Variants in ARHGAP24 observed in about 807,000 individuals in gnomAD.
ARHGAP24 encodes Rho GTPase activating protein 24, also known as rho GTPase-activating protein 24.
In ARHGAP24, 50 loss-of-function variants were observed where a neutral mutation model predicts 76.4. That is an observed-to-expected ratio of 0.65 (90% CI 0.52 to 0.83). ARHGAP24 has a LOEUF of 0.83. ARHGAP24 is among the 40% of genes least tolerant of loss of function. ARHGAP24 has a pLI of 0.00. For synonymous variants in ARHGAP24, 345 were observed against 323.3 expected (o/e 1.07, Z -0.72); for missense variants, 930 against 914.2 (o/e 1.02, Z -0.22).
chr4:85,895,252 GA>G (rs1400233638), intron 3 of ARHGAP24, among the ~76,000 whole-genome samples: 1 of 152,036 alleles, frequency 6.6e-6, no homozygotes, highest in Non-Finnish European at 1.5e-5. Flanking sequence ...ATTGCTAAAG[GA>G]ATAAAAATAA....
At chr4:86,000,137 C>CTTTACA (rs1740927364) in intron 9 of ARHGAP24, 2 of 192,492 alleles carry the variant, frequency 1.0e-5, no homozygotes, top group Non-Finnish European at 2.1e-5. Flanking sequence ...GTGTAGTGAA[C>CTTTACA]TTTACAATTT....
intron 1 of ARHGAP24, among the ~76,000 whole-genome samples, chr4:85,478,355 G>C (rs1183072102): frequency 6.6e-6 from 1 of 152,210 alleles, no homozygotes; most frequent in Non-Finnish European, 1.5e-5. Flanking sequence ...TCTCGCAATG[G>C]TAACCCATCT....
In ARHGAP24 at chr4:85,485,375, AAATATATATATATATATATATAT is replaced by A. The variant is rs1723001416; in HGVS notation, c.-21+9818_-21+9840del. On this transcript the variant is annotated intron_variant, in intron 1 of 9. Coordinates refer to ENST00000395184, the MANE Select transcript of ARHGAP24 (RefSeq NM_001025616.3). ...AAAAAAAAAAAAAAAAAAAAAAAAAAAATATATATATATATATATATATATATATATATATATATCTCCTTGGA... is the reference window on the plus strand; with the variant it reads ...AAAAAAAAAAAAAAAAAAAAAAAAAAATATATATATATATATCTCCTTGGA... 8.2e-5 allele frequency among the ~76,000 whole-genome samples: 3 copies of A among 36,424 alleles called. No homozygotes were observed. In the South Asian group the frequency reaches 4.6e-3, roughly 55 times the overall value. The allele number at this position is 36,424 out of a possible 152,430, so 23.9% of individuals were successfully genotyped here.
intron 3 of ARHGAP24, among the ~76,000 whole-genome samples, chr4:85,857,133 G>T (rs2110171190): frequency 6.6e-6 from 1 of 152,222 alleles, no homozygotes; most frequent in East Asian, 1.9e-4. Flanking sequence ...AAGCACTTGT[G>T]CCTGGCTGTG....
chr4:85,640,249 CGA>C (rs2109969789), intron 2 of ARHGAP24, among the ~76,000 whole-genome samples: 1 of 152,266 alleles, frequency 6.6e-6, no homozygotes, highest in South Asian at 2.1e-4. Flanking sequence ...AGTATTCAAA[CGA>C]ACCAATTCTA....
intron 1 of ARHGAP24, among the ~76,000 whole-genome samples, chr4:85,520,819 T>A (rs1025240581): frequency 5.9e-5 from 9 of 152,156 alleles, no homozygotes; most frequent in African/African-American, 2.2e-4. Context: ...GAGGATTTTC[T>A]ACTGCAAAGA....
intron 3 of ARHGAP24, among the ~76,000 whole-genome samples, chr4:85,755,580 C>T (rs563998212): frequency 6.6e-6 from 1 of 151,314 alleles, no homozygotes; most frequent in Non-Finnish European, 1.5e-5. Flanking sequence ...AGCTACTGAC[C>T]TAAGGGTGGA....
At chr4:85,652,464 T>C (rs10018069) in intron 2 of ARHGAP24, among the ~76,000 whole-genome samples, 59,486 of 151,986 alleles carry the variant, frequency 0.39, 13,153 homozygotes, top group East Asian at 0.84. Flanking sequence ...AAGATTAGCA[T>C]TGACAGTTTA....
intron 3 of ARHGAP24, among the ~76,000 whole-genome samples, chr4:85,747,547 CA>C (rs1318894801): frequency 4.6e-5 from 7 of 152,020 alleles, no homozygotes; most frequent in Non-Finnish European, 1.5e-5. Flanking sequence ...ACTAAAAATA[CA>C]AAAAATTAGC....
At chr4:85,643,735 C>T (rs1412507091) in intron 2 of ARHGAP24, among the ~76,000 whole-genome samples, 2 of 152,044 alleles carry the variant, frequency 1.3e-5, no homozygotes, top group African/African-American at 4.8e-5. Context: ...TTGTTTTATT[C>T]CCCAAAAGAG....
intron 2 of ARHGAP24, among the ~76,000 whole-genome samples, chr4:85,656,253 G>A (rs552021445): frequency 5.9e-5 from 9 of 152,160 alleles, no homozygotes; most frequent in African/African-American, 1.7e-4. Flanking sequence ...AACAATTTGT[G>A]GAACCACTGA....
At chr4:85,747,299 C>CT in intron 3 of ARHGAP24, among the ~76,000 whole-genome samples, 1 of 151,838 alleles carries the variant, frequency 6.6e-6, no homozygotes, top group Admixed American at 6.6e-5. Flanking sequence ...GAAAAAAATC[C>CT]TTTTTTGGGA....
At chr4:85,681,254 G>C (rs1019307045) in intron 2 of ARHGAP24, among the ~76,000 whole-genome samples, 1 of 152,120 alleles carries the variant, frequency 6.6e-6, no homozygotes, top group Admixed American at 6.6e-5. Context: ...GCTGACTCCA[G>C]CATAAGCAAC....
intron 3 of ARHGAP24, among the ~76,000 whole-genome samples, chr4:85,767,211 T>G (rs1278807986): frequency 2.0e-5 from 3 of 152,176 alleles, no homozygotes; most frequent in Non-Finnish European, 4.4e-5. Flanking sequence ...TAGTTGCAAA[T>G]GATGTGTGTT....
chr4:85,908,150 A>T (rs1734873427), intron 3 of ARHGAP24, among the ~76,000 whole-genome samples: 1 of 152,212 alleles, frequency 6.6e-6, no homozygotes, highest in Non-Finnish European at 1.5e-5. Context: ...ACTATTTGTC[A>T]AAACACTTTT....
rs185022869 is a variant in ARHGAP24 at position 85,945,979 on chromosome 4, C to T, written c.599+3706C>T. On this transcript the variant is annotated intron_variant, in intron 5 of 9. Transcript: ENST00000395184. ...GTTTAATTAATAACTTACAGTTCCA[C>T]GTGACTGGGGAGGCCTCACAATCCT... Among the ~76,000 whole-genome samples the T allele has an allele frequency of 2.7e-3, 418 of 152,222 alleles. No individual in the cohort carries two copies. In the Middle Eastern group the frequency reaches 0.034, roughly 12 times the overall value.
chr4:85,623,121 T>C (rs904917257), intron 2 of ARHGAP24, among the ~76,000 whole-genome samples: 16 of 152,244 alleles, frequency 1.1e-4, no homozygotes, highest in African/African-American at 3.6e-4. Flanking sequence ...TTTGTCAATT[T>C]TGGCTTCTGT....
At chr4:85,589,169 C>A (rs542272142) in intron 2 of ARHGAP24, among the ~76,000 whole-genome samples, 147 of 152,290 alleles carry the variant, frequency 9.7e-4, no homozygotes, top group African/African-American at 3.3e-3. Flanking sequence ...TGATAACAAA[C>A]AGAATTGTGA....
chr4:85,949,766 G>A (rs558216286), intron 5 of ARHGAP24, among the ~76,000 whole-genome samples: 1 of 152,296 alleles, frequency 6.6e-6, no homozygotes, highest in African/African-American at 2.4e-5. Flanking sequence ...CTTGATAGAA[G>A]TAATGTTATA....
Sources: gnomAD v4.1 joint callset for allele counts (sites outside exome capture counted in the v4.1 genomes callset) on GRCh38, gnomAD v4.1.1 for gene constraint, MANE v1.5 for transcripts, NCBI Gene and HGNC (gene_info 2026-07-23, HGNC 2026-07-21) for gene names.